The following MCM10 variants were observed in gnomAD, a reference collection of about 807,000 sequenced individuals.
MCM10 encodes protein MCM10 homolog.
MCM10 carries 91 observed loss-of-function variants against 109.9 expected under a neutral mutation model. That is an observed-to-expected ratio of 0.83 (90% CI 0.70 to 0.99). The LOEUF is 0.99. Ranked by LOEUF, MCM10 falls within the 50% of genes least tolerant of loss-of-function variation. The pLI is 0.00. For missense variants in MCM10, 1,077 were observed against 1,061.2 expected (o/e 1.01, Z -0.21); for synonymous variants, 380 against 387.2 (o/e 0.98, Z 0.22).
At chr10:13,175,802 G>A in intron 6 of MCM10, 121 bp downstream of exon 6, 1 of 667,462 alleles carries the variant, frequency 1.5e-6, no homozygotes, top group African/African-American at 1.8e-5. Context: ...CTCTTGAACT[G>A]GACAAAACAC....
intron 14 of MCM10, 70 bp from the exon 15 acceptor site, chr10:13,197,553 G>A: frequency 1.4e-6 from 2 of 1,421,526 alleles, no homozygotes; most frequent in Non-Finnish European, 1.9e-6. Context: ...TAATAAAAAA[G>A]GGATCCAGGT....
At chr10:13,164,421 C>T (rs1833968281) in intron 2 of MCM10, among the ~76,000 whole-genome samples, 1 of 152,188 alleles carries the variant, frequency 6.6e-6, no homozygotes, top group Non-Finnish European at 1.5e-5. Context: ...CAGAGATTGT[C>T]TTTCATAATT....
chr10:13,182,426 T>A lies in MCM10; in HGVS notation c.931-507T>A, dbSNP rs1834220684. Among the ~76,000 whole-genome samples, 1 of 152,086 alleles carries A rather than the reference T, an allele frequency of 6.6e-6. No individual in the cohort carries two copies. Among genetic ancestry groups the A allele is most frequent in the Admixed American group, 6.6e-5 (1 of 15,254 alleles). ...AGGAGTTGGAGTGAGCAACGGGACA[T>A]GATTGCACCACTGCACTCCAACCTG... On this transcript the variant is annotated intron_variant, in intron 7 of 19. Transcript: ENST00000378714. The surrounding 1 kb of genome is among the most constrained non-coding windows in gnomAD (Gnocchi z 4.2).
chr10:13,209,626 G>C lies in MCM10; in HGVS notation c.*316G>C. ...GAGAGCTATGTTTCTGTATCTTTTG[G>C]TTATAGAGTGTTCACTTCTTTATCA... On this transcript the variant is annotated 3_prime_UTR_variant, in exon 20 of 20. Transcript: ENST00000378714. 2.9e-6 allele frequency: 1 copy of C among 349,046 alleles called. No homozygotes were observed. The highest frequency in any genetic ancestry group is 6.1e-5 in the East Asian group (1 of 16,264). 21.6% of individuals were successfully genotyped at this position (349,046 alleles called of 1,614,324 possible). A position where few individuals can be genotyped will look rare whatever the true frequency, so the allele number is the denominator to read the frequency against.
At chr10:13,204,415 T>G in intron 18 of MCM10, 51 bp downstream of exon 18, 1 of 1,601,040 alleles carries the variant, frequency 6.2e-7, no homozygotes, top group Non-Finnish European at 8.5e-7. Flanking sequence ...TTTCATCTCT[T>G]TTTCCAGAGT....
intron 1 of MCM10, among the ~76,000 whole-genome samples, chr10:13,162,392 T>A (rs1413381201): frequency 6.6e-6 from 1 of 152,212 alleles, no homozygotes; most frequent in African/African-American, 2.4e-5. Flanking sequence ...ATCTGATTTA[T>A]GTTCCTAAAG....
Position 13,171,229 on chromosome 10 carries a change from C to T in MCM10, c.315C>T (p.Ala105=), listed in dbSNP as rs1834068874. 6.2e-7 allele frequency: 1 copy of T among 1,612,086 alleles called. No homozygotes were observed. The highest frequency in any genetic ancestry group is 1.1e-5 in the South Asian group (1 of 90,926). ...STENRVLPAP[A]PRREKTNEEL... ...AAAATAGGGTCCTCCCTGCTCCTGCCCCCAGGCGAGAGAAAACGAATGAAG... is the reference window on the plus strand; with the variant it reads ...AAAATAGGGTCCTCCCTGCTCCTGCTCCCAGGCGAGAGAAAACGAATGAAG... Residue 105 remains alanine (A), a synonymous_variant, in exon 3 of 20, where the codon GCC becomes GCT. Coordinates refer to ENST00000378714, the MANE Select transcript of MCM10 (RefSeq NM_018518.5).
In MCM10 at chr10:13,209,105, A is replaced by G. The variant is rs1260262123; in HGVS notation, c.2513A>G (p.Tyr838Cys). 6.2e-7 allele frequency: 1 copy of G among 1,613,192 alleles called. No homozygotes were observed. The highest frequency in any genetic ancestry group is 8.5e-7 in the Non-Finnish European group (1 of 1,179,244). Residue 838 changes from tyrosine to cysteine, a missense_variant, in exon 19 of 20, where the codon TAC becomes TGC. Coordinates refer to ENST00000378714, the MANE Select transcript of MCM10 (RefSeq NM_018518.5). The part of the protein sequence containing the change: ...PNKHCSNCGL[Y>C]KWERDGMLKE... ...TTCTGTTTCAGTAACTGTGGCCTCT[A>G]CAAATGGGAACGGGACGGAATGCTA...
At chr10:13,174,234 C>G (rs963976107) in intron 5 of MCM10, among the ~76,000 whole-genome samples, 12 of 139,620 alleles carry the variant, frequency 8.6e-5, no homozygotes, top group Non-Finnish European at 9.0e-5. Context: ...CCTCCACCTT[C>G]TGGGTTCAAG....
At chr10:13,188,845 G>A (rs965722956) in intron 9 of MCM10, 36 bp from the exon 10 acceptor site, 23 of 1,582,482 alleles carry the variant, frequency 1.5e-5, no homozygotes, top group Non-Finnish European at 1.8e-5. Context: ...CCAGCCTGTT[G>A]CCCTCATCCT....
Position 13,192,463 on chromosome 10 carries a change from G to C in MCM10, c.1640G>C (p.Ser547Thr). ...GCTTCTGTTTCAGGGATTATGGGGAGCCCAAAACCAGCCATCAAGTCCATC... is the reference window on the plus strand; with the variant it reads ...GCTTCTGTTTCAGGGATTATGGGGACCCCAAAACCAGCCATCAAGTCCATC... ...AKATASGIMG[S>T]PKPAIKSISA... The change falls in exon 13 of 20, where the codon AGC becomes ACC. Residue 547 changes from serine (S) to threonine (T), a missense_variant. Ser to Thr is a moderately conservative substitution (Grantham distance 58). Coordinates refer to ENST00000378714, the MANE Select transcript of MCM10 (RefSeq NM_018518.5). The C allele has an allele frequency of 6.2e-7, 1 of 1,614,178 alleles. No individual in the cohort carries two copies. The highest frequency in any genetic ancestry group is 8.5e-7 in the Non-Finnish European group (1 of 1,180,036).
intron 18 of MCM10, among the ~76,000 whole-genome samples, chr10:13,205,857 G>A (rs1231128040): frequency 6.6e-6 from 1 of 152,110 alleles, no homozygotes; most frequent in Non-Finnish European, 1.5e-5. Flanking sequence ...TACTTTTGGG[G>A]GCAACATCAG....
At chr10:13,168,647 C>T (rs1834032523) in intron 2 of MCM10, among the ~76,000 whole-genome samples, 1 of 152,134 alleles carries the variant, frequency 6.6e-6, no homozygotes, top group South Asian at 2.1e-4. Context: ...AAGAAGAAAT[C>T]CGATTGGCAA....
intron 7 of MCM10, among the ~76,000 whole-genome samples, chr10:13,180,998 T>C (rs1350884071): frequency 1.3e-5 from 2 of 152,222 alleles, no homozygotes; most frequent in Non-Finnish European, 2.9e-5. Flanking sequence ...ACCACAAAAG[T>C]GCTGAAATTG....
chr10:13,170,077 G>A (rs1453868071), intron 2 of MCM10, among the ~76,000 whole-genome samples: 4 of 152,228 alleles, frequency 2.6e-5, no homozygotes, highest in African/African-American at 9.6e-5. Flanking sequence ...GAGTAATGCA[G>A]TGTGGAATAT....
intron 8 of MCM10, among the ~76,000 whole-genome samples, chr10:13,183,718 T>C (rs988133240): frequency 6.6e-6 from 1 of 152,040 alleles, no homozygotes; most frequent in African/African-American, 2.4e-5. Flanking sequence ...TGAGTCTTGC[T>C]CTGTTGCCCG....
intron 18 of MCM10, among the ~76,000 whole-genome samples, chr10:13,206,297 G>A (rs1834580273): frequency 6.6e-6 from 1 of 152,176 alleles, no homozygotes; most frequent in Non-Finnish European, 1.5e-5. Flanking sequence ...TCGCCCACGG[G>A]CACCCTATAC....
intron 16 of MCM10, among the ~76,000 whole-genome samples, chr10:13,201,000 G>T (rs1350228831): frequency 6.6e-6 from 1 of 152,096 alleles, no homozygotes; most frequent in East Asian, 1.9e-4. Flanking sequence ...CAAAAATTTA[G>T]CTGGGCATGT....
chr10:13,176,191 TTTTC>T (rs1274685751), intron 6 of MCM10, among the ~76,000 whole-genome samples: 1 of 152,210 alleles, frequency 6.6e-6, no homozygotes, highest in Non-Finnish European at 1.5e-5. Flanking sequence ...GCTATGCTGT[TTTTC>T]TTTCTAATAG....
Sources: gnomAD v4.1 joint callset for allele counts (sites outside exome capture counted in the v4.1 genomes callset) on GRCh38, gnomAD v4.1.1 for gene constraint, Gnocchi (gnomAD v3.1) non-coding constraint, MANE v1.5 for transcripts, NCBI Gene and HGNC (gene_info 2026-07-23, HGNC 2026-07-21) for gene names.